Variants in GRIN3A observed in about 807,000 individuals in gnomAD.
The protein encoded by GRIN3A is glutamate receptor ionotropic, NMDA 3A.
Under a neutral mutation model 92.4 loss-of-function variants are expected in GRIN3A, and 47 were observed. That is an observed-to-expected ratio of 0.51 (90% CI 0.40 to 0.65). The LOEUF is 0.65. Among genes scored for constraint, GRIN3A ranks in the 30% least tolerant of loss-of-function variants. The pLI is 0.00. For synonymous variants in GRIN3A, 527 were observed against 540.6 expected, an observed-to-expected ratio of 0.97 and a Z score of 0.35; for missense variants, 1,324 against 1,393.1, an observed-to-expected ratio of 0.95 and a Z score of 0.79.
At chr9:101,613,254 T>C (rs1234966505) in intron 6 of GRIN3A, 122 bp downstream of exon 6, 21 of 1,067,670 alleles carry the variant, frequency 2.0e-5, no homozygotes, top group Non-Finnish European at 2.7e-5. Flanking sequence ...ATAATCCAAA[T>C]ATTATGCAAG....
intron 1 of GRIN3A, among the ~76,000 whole-genome samples, chr9:101,732,758 A>G (rs974946573): frequency 3.3e-5 from 5 of 152,194 alleles, no homozygotes; most frequent in African/African-American, 1.2e-4. Context: ...TCCACTAGTT[A>G]TTTGGGTAAC....
At chr9:101,688,567 A>G (rs752793472) in intron 1 of GRIN3A, among the ~76,000 whole-genome samples, 4 of 152,152 alleles carry the variant, frequency 2.6e-5, no homozygotes, top group Non-Finnish European at 5.9e-5. Flanking sequence ...TCTTGATTAC[A>G]TGCTAAGTGT....
chr9:101,727,916 T>C (rs540512398), intron 1 of GRIN3A, among the ~76,000 whole-genome samples: 3 of 150,904 alleles, frequency 2.0e-5, no homozygotes, highest in Non-Finnish European at 2.9e-5. Flanking sequence ...TCAGGTCACA[T>C]TGAAGCATTT....
intron 1 of GRIN3A, among the ~76,000 whole-genome samples, chr9:101,694,157 C>G (rs1829652924): frequency 6.6e-6 from 1 of 152,142 alleles, no homozygotes; most frequent in Admixed American, 6.5e-5. Context: ...GTTTGGTGAT[C>G]TGGAACAGGG....
chr9:101,577,167 T>C (rs1288073476), intron 8 of GRIN3A, among the ~76,000 whole-genome samples: 1 of 152,210 alleles, frequency 6.6e-6, no homozygotes, highest in Non-Finnish European at 1.5e-5. Flanking sequence ...CTAGGGAGTT[T>C]GTAGAAAAGT....
intron 5 of GRIN3A, among the ~76,000 whole-genome samples, chr9:101,617,700 A>C (rs1828482206): frequency 6.6e-6 from 1 of 151,318 alleles, no homozygotes; most frequent in South Asian, 2.1e-4. Context: ...CACATTGTGC[A>C]GGTTAGTTAC....
At chr9:101,582,852 CT>C (rs1827905737) in intron 6 of GRIN3A, among the ~76,000 whole-genome samples, 1 of 152,186 alleles carries the variant, frequency 6.6e-6, no homozygotes, top group African/African-American at 2.4e-5. Flanking sequence ...ATGACTCCCT[CT>C]GTTTCCTTGT....
chr9:101,715,200 T>TAAAA (rs5899459), intron 1 of GRIN3A, among the ~76,000 whole-genome samples: 11 of 127,674 alleles, frequency 8.6e-5, no homozygotes, highest in South Asian at 2.5e-4. Context: ...ACAAAAATGG[T>TAAAA]AAAAAAAAAA....
At position 101,576,126 on chromosome 9, in the gene GRIN3A, A is replaced by G. The variant is rs1012232262; in HGVS notation, c.3008+1642T>C. 2.0e-5 allele frequency among the ~76,000 whole-genome samples: 3 copies of G among 152,258 alleles called. No homozygotes were observed. In the Middle Eastern group the frequency reaches 0.01, roughly 518 times the overall value. ...GTGTTATACTCCTAGCCTCAGTAAC[A>G]TTTAGGCTTTGCTTTGATTCAAGCC... On this transcript the variant is annotated intron_variant, in intron 8 of 8. Coordinates refer to ENST00000361820, the MANE Select transcript of GRIN3A (RefSeq NM_133445.3).
At chr9:101,715,610 A>G (rs1292079547) in intron 1 of GRIN3A, among the ~76,000 whole-genome samples, 1 of 152,212 alleles carries the variant, frequency 6.6e-6, no homozygotes, top group Non-Finnish European at 1.5e-5. Context: ...AAAAATCAGC[A>G]AAACAGGTAG....
chr9:101,715,872 G>A (rs1053312096), intron 1 of GRIN3A, among the ~76,000 whole-genome samples: 1 of 152,170 alleles, frequency 6.6e-6, no homozygotes, highest in Non-Finnish European at 1.5e-5. Flanking sequence ...TGTTAAGGTG[G>A]TGAAACTGTG....
At chr9:101,718,553 C>T (rs10760802) in intron 1 of GRIN3A, among the ~76,000 whole-genome samples, 64,406 of 151,980 alleles carry the variant, frequency 0.42, 13,911 homozygotes, top group Non-Finnish European at 0.47. Flanking sequence ...TTGAATGCTA[C>T]GCTAAGCTGC....
At chr9:101,624,232 T>G (rs1203751564) in intron 4 of GRIN3A, among the ~76,000 whole-genome samples, 3 of 151,900 alleles carry the variant, frequency 2.0e-5, no homozygotes, top group Admixed American at 2.0e-4. Context: ...TTTTATTTTA[T>G]TATTATTATA....
chr9:101,594,617 T>C (rs1828087422), intron 6 of GRIN3A: 9 of 1,614,200 alleles, frequency 5.6e-6, no homozygotes, highest in Non-Finnish European at 7.6e-6. Context: ...GCCATCTTTA[T>C]CCATGTCGTA....
chr9:101,671,859 C>T (rs565216339), intron 2 of GRIN3A, among the ~76,000 whole-genome samples: 1 of 152,178 alleles, frequency 6.6e-6, no homozygotes, highest in South Asian at 2.1e-4. Context: ...ATGCCAGAAG[C>T]CACAGAAAGG....
chr9:101,619,799 A>C (rs1377268914), intron 5 of GRIN3A, among the ~76,000 whole-genome samples: 1 of 152,194 alleles, frequency 6.6e-6, no homozygotes, highest in African/African-American at 2.4e-5. Flanking sequence ...TTTGAGCTTT[A>C]TTGTCAGCTA....
chr9:101,634,097 G>A (rs1828748419), intron 3 of GRIN3A, among the ~76,000 whole-genome samples: 2 of 152,046 alleles, frequency 1.3e-5, no homozygotes, highest in African/African-American at 4.8e-5. Flanking sequence ...ACTTTGGGAG[G>A]CCGAGGCGGG....
intron 6 of GRIN3A, among the ~76,000 whole-genome samples, chr9:101,588,929 A>C (rs2118803247): frequency 6.6e-6 from 1 of 152,190 alleles, no homozygotes; most frequent in South Asian, 2.1e-4. Context: ...AATTTATGGT[A>C]TATACGACAA....
intron 3 of GRIN3A, among the ~76,000 whole-genome samples, chr9:101,654,295 A>G (rs1363044218): frequency 6.9e-6 from 1 of 145,056 alleles, no homozygotes; most frequent in Non-Finnish European, 1.5e-5. Flanking sequence ...ATATATATAT[A>G]CCTATGCACA....
Sources: gnomAD v4.1 joint callset for allele counts (sites outside exome capture counted in the v4.1 genomes callset) on GRCh38, gnomAD v4.1.1 for gene constraint, MANE v1.5 for transcripts, NCBI Gene and HGNC (gene_info 2026-07-23, HGNC 2026-07-21) for gene names.